Variants in PLA2G6 observed in about 807,000 individuals in gnomAD.
PLA2G6 encodes the protein phospholipase A2 group VI.
A neutral mutation model predicts 83.8 loss-of-function variants in PLA2G6; 62 were observed. The observed-to-expected ratio is 0.74, with a 90% CI of 0.60 to 0.91. PLA2G6 has a LOEUF of 0.91. Ranked by LOEUF, PLA2G6 falls within the 40% of genes least tolerant of loss-of-function variation. The probability of loss-of-function intolerance (pLI) is 0.00; values close to 1 mark genes in which losing one functional copy is unlikely to be tolerated. For missense variants in PLA2G6, 944 were observed against 1,102.0 expected (o/e 0.86, Z 2.03); for synonymous variants, 417 against 449.8 (o/e 0.93, Z 0.92).
At chr22:38,121,148 C>T (rs531436632) in intron 11 of PLA2G6, 3 of 466,510 alleles carry the variant, frequency 6.4e-6, no homozygotes, top group Non-Finnish European at 1.2e-5. Context: ...GAGGCTGAGG[C>T]AGGTGGATCA....
At chr22:38,141,123 G>A (rs1433211598) in intron 4 of PLA2G6, 1 of 152,146 alleles carries the variant, frequency 6.6e-6, no homozygotes, top group African/African-American at 2.4e-5. Flanking sequence ...GAACCCGGGA[G>A]GCAGAGCTTG....
At position 38,132,747 on chromosome 22, in the gene PLA2G6, G is replaced by T; in HGVS notation, c.1077+84C>A. 8.3e-7 allele frequency: 1 copy of T among 1,207,464 alleles called. No individual in the cohort carries two copies. Among genetic ancestry groups the T allele is most frequent in the Non-Finnish European group, 1.2e-6 (1 of 854,840 alleles). 74.8% of individuals were successfully genotyped at this position (1,207,464 alleles called of 1,614,324 possible). A position where few individuals can be genotyped will look rare whatever the true frequency, so the allele number is the denominator to read the frequency against. On this transcript the variant is annotated intron_variant, in intron 7 of 16. Coordinates refer to ENST00000332509, the MANE Select transcript of PLA2G6 (RefSeq NM_003560.4). This position sits in a 1 kb window ranked among gnomAD's most constrained non-coding sequence, Gnocchi z 5.0. ...AGCAGCTGACGATAGGAGGGAGACAGTGGGGAGGAGGGCTCCAGTCCGGAC... is the reference window on the plus strand; with the variant it reads ...AGCAGCTGACGATAGGAGGGAGACATTGGGGAGGAGGGCTCCAGTCCGGAC...
intron 1 of PLA2G6, among the ~76,000 whole-genome samples, chr22:38,176,318 G>A (rs1201381280): frequency 6.6e-6 from 1 of 152,150 alleles, no homozygotes; most frequent in Non-Finnish European, 1.5e-5. Context: ...CTGCCCGAGA[G>A]GTGCGTGACA....
intron 15 of PLA2G6, among the ~76,000 whole-genome samples, chr22:38,113,268 A>G (rs1602055964): frequency 6.6e-6 from 1 of 152,266 alleles, no homozygotes; most frequent in African/African-American, 2.4e-5. Flanking sequence ...ATCCGCAGCT[A>G]AAAAGCGTTT....
intron 2 of PLA2G6, chr22:38,148,270 G>A: frequency 2.0e-6 from 1 of 493,212 alleles, no homozygotes; most frequent in South Asian, 2.1e-5. Context: ...TTGCTGTGGT[G>A]AGGAGCAAAT....
chr22:38,140,365 G>A (rs930133304), intron 4 of PLA2G6, 196 bp from the exon 5 acceptor site: 18 of 560,116 alleles, frequency 3.2e-5, no homozygotes, highest in African/African-American at 7.5e-5. Flanking sequence ...AAAATTAGCC[G>A]GGCATGGTGG....
chr22:38,175,953 G>C (rs1182965452), intron 1 of PLA2G6, among the ~76,000 whole-genome samples: 2 of 152,164 alleles, frequency 1.3e-5, no homozygotes. Context: ...GAAGCCCCCA[G>C]ACACACTTTA....
rs896090857 is a variant in PLA2G6 at position 38,128,057 on chromosome 22, G to C, written c.1348+212C>G. ...TGTGTGCAGGACACATCCTCTCAGGGGCAACGGAGCATGGGACATCAGCCA... is the reference window on the plus strand; with the variant it reads ...TGTGTGCAGGACACATCCTCTCAGGCGCAACGGAGCATGGGACATCAGCCA... On this transcript the variant is annotated intron_variant, in intron 9 of 16. Transcript: ENST00000332509. This position sits in a 1 kb window ranked among gnomAD's most constrained non-coding sequence, Gnocchi z 4.4. 1.7e-6 allele frequency: 1 copy of C among 594,988 alleles called. No homozygotes were observed. The highest frequency in any genetic ancestry group is 3.0e-6 in the Non-Finnish European group (1 of 333,476). The allele number at this position is 594,988 out of a possible 1,614,324, so 36.9% of individuals were successfully genotyped here.
At chr22:38,133,348 T>C in intron 6 of PLA2G6, 1 of 395,050 alleles carries the variant, frequency 2.5e-6, no homozygotes, top group Non-Finnish European at 4.7e-6. Context: ...CATCCCTCCC[T>C]GGAACCCTGC....
At chr22:38,112,428 G>A (rs2086924629) in intron 16 of PLA2G6, 76 bp downstream of exon 16, 4 of 1,503,050 alleles carry the variant, frequency 2.7e-6, no homozygotes, top group East Asian at 4.9e-5. Flanking sequence ...GTCCACACTA[G>A]GGCTGGGAGG....
chr22:38,150,914 C>T (rs1300906106), intron 2 of PLA2G6, among the ~76,000 whole-genome samples: 1 of 152,154 alleles, frequency 6.6e-6, no homozygotes, highest in Non-Finnish European at 1.5e-5. Context: ...CGGTGAAACC[C>T]CGTCTCTACT....
rs370306404 is a variant in PLA2G6, at chr22:38,112,082, G to C, written c.*79C>G. On this transcript the variant is annotated 3_prime_UTR_variant, in exon 17 of 17. Transcript: ENST00000332509. The stretch of plus-strand genomic sequence containing the variant: ...GAGGTGCCTGGGCCCAGATCTGCCC[G>C]GGAGGGCAGTGGCTGGGCTTGGCCT... 2 of 1,487,306 alleles carry C rather than the reference G, an allele frequency of 1.3e-6. No homozygotes were observed. Among genetic ancestry groups the C allele is most frequent in the African/African-American group, 1.4e-5 (1 of 71,816 alleles). 92.1% of individuals were successfully genotyped at this position (1,487,306 alleles called of 1,614,324 possible). A position where few individuals can be genotyped will look rare whatever the true frequency, so the allele number is the denominator to read the frequency against.
intron 4 of PLA2G6, chr22:38,140,430 C>G: frequency 2.3e-6 from 1 of 441,996 alleles, no homozygotes; most frequent in South Asian, 2.1e-5. Context: ...ATCGCTTGAA[C>G]CCAGGAGGCA....
At chr22:38,127,771 CG>C (rs1389969705) in intron 9 of PLA2G6, among the ~76,000 whole-genome samples, 4 of 152,170 alleles carry the variant, frequency 2.6e-5, no homozygotes, top group Non-Finnish European at 5.9e-5. Flanking sequence ...AGGAATGCAC[CG>C]GGGCAGATGC....
Position 38,115,617 on chromosome 22 carries a change from C to T in PLA2G6, c.1944G>A (p.Gly648=). 1.2e-6 allele frequency: 2 copies of T among 1,610,670 alleles called. No individual in the cohort carries two copies. The highest frequency in any genetic ancestry group is 8.5e-7 in the Non-Finnish European group (1 of 1,178,920). The stretch of plus-strand genomic sequence containing the variant: ...CCAGCAGCCCACCGTCCAGGAAGCG[C>T]CCATTGGGTCGGAAGTAAGTAGGAG... ...GAAPTYFRPN[G]RFLDGGLLAN... The change falls in exon 14 of 17, where the codon GGG becomes GGA. Residue 648 remains glycine (G), a synonymous_variant. Transcript: ENST00000332509.
intron 10 of PLA2G6, 158 bp downstream of exon 10, chr22:38,126,213 A>G (rs767777798): frequency 1.4e-6 from 1 of 707,708 alleles, no homozygotes; most frequent in Non-Finnish European, 2.6e-6. Flanking sequence ...CAGGCTCTCC[A>G]TGTTCTGTCT....
intron 6 of PLA2G6, chr22:38,134,229 G>A (rs536999059): frequency 6.5e-6 from 1 of 153,036 alleles, no homozygotes; most frequent in African/African-American, 2.4e-5. Context: ...ATGGCCTATT[G>A]TGGGACCTTG....
intron 10 of PLA2G6, 131 bp downstream of exon 10, chr22:38,126,240 G>A (rs1472025262): frequency 2.7e-6 from 2 of 745,794 alleles, no homozygotes; most frequent in Admixed American, 1.9e-5. Context: ...AGAACTATAA[G>A]ACTAGGAGCA....
intron 2 of PLA2G6, among the ~76,000 whole-genome samples, chr22:38,159,717 G>C (rs1437861707): frequency 1.4e-5 from 2 of 140,130 alleles, no homozygotes; most frequent in East Asian, 4.5e-4. Flanking sequence ...GTGAGAGAGA[G>C]ATAGATGAAA....
Sources: gnomAD v4.1 joint callset for allele counts (sites outside exome capture counted in the v4.1 genomes callset) on GRCh38, gnomAD v4.1.1 for gene constraint, Gnocchi (gnomAD v3.1) non-coding constraint, MANE v1.5 for transcripts, NCBI Gene and HGNC (gene_info 2026-07-23, HGNC 2026-07-21) for gene names.